Variants in SPATA17 observed in about 807,000 individuals in gnomAD.
SPATA17 encodes spermatogenesis-associated protein 17.
Under a neutral mutation model 62.2 loss-of-function variants are expected in SPATA17, and 53 were observed. The observed-to-expected ratio is 0.85, with a 90% confidence interval of 0.68 to 1.07. The LOEUF is 1.07. SPATA17 is among the 50% of genes least tolerant of loss of function. SPATA17 has a pLI of 0.00. For synonymous variants in SPATA17, 146 were observed against 146.8 expected, an observed-to-expected ratio of 0.99 and a Z score of 0.04; for missense variants, 466 against 425.5, an observed-to-expected ratio of 1.10 and a Z score of -0.84.
At chr1:217,827,855 G>A (rs765173329) in intron 9 of SPATA17, among the ~76,000 whole-genome samples, 1 of 152,046 alleles carries the variant, frequency 6.6e-6, no homozygotes, top group Non-Finnish European at 1.5e-5. Context: ...ACACAGGGAG[G>A]GGAACAACAC....
At chr1:217,632,388 TAAAAG>T (rs1558544232) in intron 1 of SPATA17, among the ~76,000 whole-genome samples, 1 of 152,066 alleles carries the variant, frequency 6.6e-6, no homozygotes, top group Non-Finnish European at 1.5e-5. Flanking sequence ...TTTTGTAACT[TAAAAG>T]AAACTGCAAA....
chr1:217,688,162 T>G (rs1186352310), intron 5 of SPATA17, among the ~76,000 whole-genome samples: 1 of 152,104 alleles, frequency 6.6e-6, no homozygotes. Context: ...CCCAGGAGTC[T>G]GAGGATCACT....
intron 8 of SPATA17, among the ~76,000 whole-genome samples, chr1:217,798,219 G>A (rs566693742): frequency 6.6e-6 from 1 of 152,256 alleles, no homozygotes; most frequent in Non-Finnish European, 1.5e-5. Flanking sequence ...GCATCTTACA[G>A]TCACTCTTAT....
At chr1:217,665,689 G>A (rs905182928) in intron 3 of SPATA17, among the ~76,000 whole-genome samples, 6 of 152,036 alleles carry the variant, frequency 3.9e-5, no homozygotes, top group African/African-American at 1.4e-4. Context: ...CACAGTTCAT[G>A]GACAACAAAT....
At chr1:217,804,738 G>A (rs1006931377) in intron 9 of SPATA17, among the ~76,000 whole-genome samples, 1 of 152,136 alleles carries the variant, frequency 6.6e-6, no homozygotes, top group Non-Finnish European at 1.5e-5. Flanking sequence ...GACTGGAATA[G>A]ACATTTCTCA....
intron 9 of SPATA17, among the ~76,000 whole-genome samples, chr1:217,852,923 C>A (rs1385743685): frequency 1.3e-5 from 2 of 152,062 alleles, no homozygotes; most frequent in African/African-American, 2.4e-5. Context: ...TCTCCACTAC[C>A]CTGTCTTATG....
chr1:217,709,796 G>T (rs1671816093), intron 5 of SPATA17, among the ~76,000 whole-genome samples: 1 of 152,108 alleles, frequency 6.6e-6, no homozygotes, highest in African/African-American at 2.4e-5. Context: ...TAGGATAAAA[G>T]TTACTTTACC....
chr1:217,762,446 T>C (rs1673193111), intron 6 of SPATA17, among the ~76,000 whole-genome samples: 2 of 152,324 alleles, frequency 1.3e-5, no homozygotes, highest in South Asian at 4.1e-4. Context: ...TCTTAATTAA[T>C]CCAGTATCAA....
chr1:217,859,293 A>G (rs1408627985), intron 9 of SPATA17, among the ~76,000 whole-genome samples: 3 of 148,214 alleles, frequency 2.0e-5, no homozygotes, highest in African/African-American at 4.9e-5. Context: ...AATTCTCCAT[A>G]TATAATTTTC....
intron 9 of SPATA17, among the ~76,000 whole-genome samples, chr1:217,843,453 C>CA (rs1008192480): frequency 2.0e-4 from 30 of 149,412 alleles, no homozygotes; most frequent in South Asian, 4.3e-4. Flanking sequence ...CCCATCTCTA[C>CA]AAAAAAAAAT....
chr1:217,762,566 G>C (rs1477331575), intron 6 of SPATA17, among the ~76,000 whole-genome samples: 1 of 152,070 alleles, frequency 6.6e-6, no homozygotes, highest in Non-Finnish European at 1.5e-5. Context: ...CTGTAGACCT[G>C]TGGTTTTATA....
chr1:217,665,696 A>G (rs1442866567), intron 3 of SPATA17, among the ~76,000 whole-genome samples: 2 of 152,230 alleles, frequency 1.3e-5, no homozygotes, highest in African/African-American at 2.4e-5. Flanking sequence ...CATGGACAAC[A>G]AATCAGAAAG....
chr1:217,739,778 T>G (rs1319370388), intron 5 of SPATA17, among the ~76,000 whole-genome samples: 2 of 152,150 alleles, frequency 1.3e-5, no homozygotes, highest in African/African-American at 4.8e-5. Context: ...AAAGAATGTT[T>G]GACATAAATA....
intron 5 of SPATA17, among the ~76,000 whole-genome samples, chr1:217,691,492 T>G (rs1411629313): frequency 2.5e-5 from 2 of 79,650 alleles, no homozygotes; most frequent in Admixed American, 3.1e-4. Context: ...CTCTTTAGTT[T>G]AATTAGATCC....
intron 9 of SPATA17, among the ~76,000 whole-genome samples, chr1:217,854,718 G>A (rs1040453260): frequency 2.6e-5 from 4 of 152,126 alleles, no homozygotes; most frequent in Non-Finnish European, 4.4e-5. Context: ...AGTTTTCCAT[G>A]TGTGTACTTT....
intron 5 of SPATA17, among the ~76,000 whole-genome samples, chr1:217,732,616 C>A (rs897814043): frequency 4.6e-5 from 7 of 152,102 alleles, no homozygotes; most frequent in Non-Finnish European, 1.0e-4. Flanking sequence ...ATATGATATG[C>A]CTTCATCTAT....
intron 8 of SPATA17, among the ~76,000 whole-genome samples, chr1:217,799,933 T>G (rs1674263416): frequency 6.6e-6 from 1 of 152,124 alleles, no homozygotes; most frequent in East Asian, 1.9e-4. Context: ...ATTTATAGTT[T>G]TTATTTCCCA....
At chr1:217,749,979 CTCTCTCTA>C (rs55716217) in intron 6 of SPATA17, among the ~76,000 whole-genome samples, 1,026 of 30,756 alleles carry the variant, frequency 0.033, 11 homozygotes, top group Non-Finnish European at 0.052. Flanking sequence ...CTCTCTCTCT[CTCTCTCTA>C]TATATATATA....
At chr1:217,662,669 G>A (rs919605646) in intron 3 of SPATA17, among the ~76,000 whole-genome samples, 8 of 151,988 alleles carry the variant, frequency 5.3e-5, no homozygotes, top group African/African-American at 1.4e-4. Context: ...ATGTTGTTAC[G>A]ATAAAAGCCA....
Sources: allele counts gnomAD v4.1 joint callset (sites outside exome capture counted in the v4.1 genomes callset), GRCh38; gene constraint gnomAD v4.1.1; transcripts MANE v1.5; gene names NCBI Gene and HGNC (gene_info 2026-07-23, HGNC 2026-07-21).